The following RSPO2 variants were observed in gnomAD, a reference collection of about 807,000 sequenced individuals.
RSPO2 encodes R-spondin-2.
A neutral mutation model predicts 30.9 loss-of-function variants in RSPO2; 14 were observed. The observed-to-expected ratio is 0.45, with a 90% confidence interval of 0.30 to 0.71. The LOEUF is 0.71. Among genes scored for constraint, RSPO2 ranks in the 30% least tolerant of loss-of-function variants. The pLI, the probability that RSPO2 is intolerant of heterozygous loss-of-function variation, is 0.08. For synonymous variants in RSPO2, 107 were observed against 96.4 expected (o/e 1.11, Z -0.64); for missense variants, 264 against 301.9 (o/e 0.87, Z 0.93).
chr8:108,001,847 C>T (rs1037111422), intron 2 of RSPO2, among the ~76,000 whole-genome samples: 3 of 151,914 alleles, frequency 2.0e-5, no homozygotes, highest in African/African-American at 7.3e-5. Flanking sequence ...AACACATGGA[C>T]ACAGAGAGGG....
chr8:108,032,060 T>TA (rs1159591030), intron 2 of RSPO2, among the ~76,000 whole-genome samples: 2 of 152,204 alleles, frequency 1.3e-5, no homozygotes, highest in East Asian at 3.9e-4. Flanking sequence ...CACAGGCATA[T>TA]AGACCAAATA....
intron 2 of RSPO2, among the ~76,000 whole-genome samples, chr8:108,049,051 T>C (rs1811993686): frequency 6.6e-6 from 1 of 151,886 alleles, no homozygotes; most frequent in African/African-American, 2.4e-5. Context: ...TTGTGATTTC[T>C]GTTCTTTTAC....
intron 5 of RSPO2, among the ~76,000 whole-genome samples, chr8:107,942,830 G>C (rs1385483354): frequency 6.6e-5 from 10 of 152,158 alleles, no homozygotes; most frequent in African/African-American, 2.4e-4. Flanking sequence ...TGCATTCAAA[G>C]GTATAAAATG....
At chr8:108,073,976 T>C (rs1276209510) in intron 2 of RSPO2, among the ~76,000 whole-genome samples, 2 of 152,208 alleles carry the variant, frequency 1.3e-5, no homozygotes, top group African/African-American at 4.8e-5. Context: ...CTCCTTAACC[T>C]ATTGAAGGAA....
chr8:107,989,044 C>T lies in RSPO2; in HGVS notation c.283+12G>A. 6.3e-7 allele frequency: 1 copy of T among 1,587,326 alleles called. No individual in the cohort carries two copies. The highest frequency in any genetic ancestry group is 1.2e-5 in the South Asian group (1 of 84,970). On this transcript the variant is annotated intron_variant, in intron 3 of 5. Transcript: ENST00000276659. ...ATCCAGCAATACAGGATAGACAAAACCAAATGCTCACTTGCACATCTGTTC... is the reference window on the plus strand; with the variant it reads ...ATCCAGCAATACAGGATAGACAAAATCAAATGCTCACTTGCACATCTGTTC...
intron 2 of RSPO2, among the ~76,000 whole-genome samples, chr8:108,062,960 G>T (rs913833514): frequency 1.3e-5 from 2 of 151,690 alleles, no homozygotes; most frequent in African/African-American, 4.9e-5. Flanking sequence ...ATGCAGAAAA[G>T]GACTTTGACA....
At chr8:107,916,487 T>A (rs2130292703) in intron 5 of RSPO2, among the ~76,000 whole-genome samples, 1 of 152,312 alleles carries the variant, frequency 6.6e-6, no homozygotes, top group African/African-American at 2.4e-5. Flanking sequence ...TTGTAACATG[T>A]AATTGAGACT....
At chr8:108,049,411 G>T (rs903235522) in intron 2 of RSPO2, among the ~76,000 whole-genome samples, 1 of 150,718 alleles carries the variant, frequency 6.6e-6, no homozygotes, top group South Asian at 2.1e-4. Context: ...AATTACTTTA[G>T]ATTCTGGGAT....
At chr8:108,013,258 C>T (rs1810763816) in intron 2 of RSPO2, among the ~76,000 whole-genome samples, 1 of 145,528 alleles carries the variant, frequency 6.9e-6, no homozygotes, top group Admixed American at 6.8e-5. Context: ...CTTTCTTTTT[C>T]TATTTTTGGT....
intron 5 of RSPO2, among the ~76,000 whole-genome samples, chr8:107,957,838 T>A (rs1221880265): frequency 6.6e-6 from 1 of 152,196 alleles, no homozygotes; most frequent in East Asian, 1.9e-4. Flanking sequence ...TTTAGAAAGC[T>A]CATTACTAAG....
intron 5 of RSPO2, among the ~76,000 whole-genome samples, chr8:107,903,458 C>T (rs369583464): frequency 7.9e-5 from 12 of 151,978 alleles, no homozygotes; most frequent in Admixed American, 2.6e-4. Flanking sequence ...TGGTCAATTT[C>T]GTTTCATTTA....
At chr8:107,954,957 G>A (rs541990526) in intron 5 of RSPO2, among the ~76,000 whole-genome samples, 65 of 152,016 alleles carry the variant, frequency 4.3e-4, no homozygotes, top group African/African-American at 1.4e-3. Context: ...TCTGTCATTC[G>A]CCATAAATCA....
chr8:108,018,635 C>T (rs1676482239), intron 2 of RSPO2, among the ~76,000 whole-genome samples: 1 of 152,120 alleles, frequency 6.6e-6, no homozygotes, highest in Admixed American at 6.5e-5. Flanking sequence ...TCTTTGTTCC[C>T]CTTTGCCAAA....
chr8:108,041,323 AG>A (rs1415036966), intron 2 of RSPO2, among the ~76,000 whole-genome samples: 1 of 152,072 alleles, frequency 6.6e-6, no homozygotes, highest in African/African-American at 2.4e-5. Context: ...GTAGAGTCAA[AG>A]GACATTTTTA....
Position 107,966,032 on chromosome 8 carries a change from T to C in RSPO2, c.284-5215A>G, listed in dbSNP as rs539619991. On this transcript the variant is annotated intron_variant, in intron 3 of 5. Transcript: ENST00000276659. ...CATGAGGCAATAGAGAAAATCCATA[T>C]GGCAAGTGACGGGTCCAGTGAGGAG... Among the ~76,000 whole-genome samples, 7 of 152,208 alleles carry C rather than the reference T, an allele frequency of 4.6e-5. No individual in the cohort carries two copies. In the South Asian group the frequency reaches 8.3e-4, roughly 18 times the overall value.
intron 2 of RSPO2, among the ~76,000 whole-genome samples, chr8:108,070,946 G>A (rs747538962): frequency 1.3e-5 from 2 of 151,814 alleles, no homozygotes; most frequent in Non-Finnish European, 2.9e-5. Context: ...TCACATGATC[G>A]ACCTCAAGTT....
At chr8:107,929,534 A>G (rs745359923) in intron 5 of RSPO2, among the ~76,000 whole-genome samples, 10 of 151,972 alleles carry the variant, frequency 6.6e-5, no homozygotes, top group Non-Finnish European at 1.2e-4. Context: ...CTTGGCTAAG[A>G]AGAGAGAGAG....
At chr8:108,054,546 A>C (rs1812181804) in intron 2 of RSPO2, among the ~76,000 whole-genome samples, 1 of 152,178 alleles carries the variant, frequency 6.6e-6, no homozygotes, top group Non-Finnish European at 1.5e-5. Flanking sequence ...GGGGTTGGGA[A>C]ACATAGTCTA....
chr8:108,035,948 T>C (rs927064297), intron 2 of RSPO2, among the ~76,000 whole-genome samples: 10 of 152,192 alleles, frequency 6.6e-5, no homozygotes, highest in Non-Finnish European at 1.2e-4. Context: ...TTTTTCATGA[T>C]TTTGGTAAAT....
Sources: allele counts gnomAD v4.1 joint callset (sites outside exome capture counted in the v4.1 genomes callset), GRCh38; gene constraint gnomAD v4.1.1; transcripts MANE v1.5; gene names NCBI Gene and HGNC (gene_info 2026-07-23, HGNC 2026-07-21).